The following CACNA2D1 variants were observed in gnomAD, a reference collection of about 807,000 sequenced individuals.
CACNA2D1 encodes the protein voltage-dependent calcium channel subunit alpha-2/delta-1.
Under a neutral mutation model 171.5 loss-of-function variants are expected in CACNA2D1, and 53 were observed. That is an observed-to-expected ratio of 0.31 (90% confidence interval 0.25 to 0.39). The LOEUF (loss-of-function observed/expected upper bound fraction) is 0.39. Ranked by LOEUF, CACNA2D1 falls within the 10% of genes least tolerant of loss-of-function variation. The pLI, the probability that CACNA2D1 is intolerant of heterozygous loss-of-function variation, is 1.00. For synonymous variants in CACNA2D1, 442 were observed against 443.1 expected, an observed-to-expected ratio of 1.00 and a Z score of 0.03; for missense variants, 903 against 1,299.8, an observed-to-expected ratio of 0.69 and a Z score of 4.69.
At chr7:82,289,804 G>A (rs1811295859) in intron 3 of CACNA2D1, among the ~76,000 whole-genome samples, 1 of 152,244 alleles carries the variant, frequency 6.6e-6, no homozygotes, top group Admixed American at 6.5e-5. Context: ...AGTTGGCAGA[G>A]TGCTTGGCAT....
chr7:82,100,444 A>G (rs1407555098), intron 6 of CACNA2D1, among the ~76,000 whole-genome samples: 2 of 152,292 alleles, frequency 1.3e-5, no homozygotes, highest in African/African-American at 4.8e-5. Context: ...GAGCATAAAG[A>G]TGTGTTCATT....
intron 3 of CACNA2D1, among the ~76,000 whole-genome samples, chr7:82,247,678 A>T (rs1000790966): frequency 1.3e-5 from 2 of 152,156 alleles, no homozygotes; most frequent in African/African-American, 4.8e-5. Context: ...TCATTTTTTA[A>T]ATATTTTAAC....
chr7:82,129,516 T>C (rs563415378), intron 5 of CACNA2D1, among the ~76,000 whole-genome samples: 3 of 152,180 alleles, frequency 2.0e-5, no homozygotes, highest in Non-Finnish European at 4.4e-5. Flanking sequence ...ACAATTCACA[T>C]TGTCAAATTT....
intron 15 of CACNA2D1, among the ~76,000 whole-genome samples, chr7:82,009,945 T>A (rs1799569862): frequency 6.6e-6 from 1 of 152,090 alleles, no homozygotes; most frequent in African/African-American, 2.4e-5. Context: ...CTCCACAATA[T>A]TGTCCTAATC....
chr7:82,068,289 T>G (rs1200893976), intron 7 of CACNA2D1, among the ~76,000 whole-genome samples: 1 of 152,046 alleles, frequency 6.6e-6, no homozygotes, highest in Non-Finnish European at 1.5e-5. Flanking sequence ...GAGGAGAGCT[T>G]ACAAGGAAAG....
Position 82,280,651 on chromosome 7 carries a change from T to A in CACNA2D1, c.294+54484A>T, listed in dbSNP as rs115558900. ...TTTATGTAATCTCATCTACCCCTTT[T>A]ACATAGAAACCTTACTTATTAATTA... On this transcript the variant is annotated intron_variant, in intron 3 of 38. Transcript: ENST00000356860. 5.5e-3 allele frequency among the ~76,000 whole-genome samples: 835 copies of A among 152,270 alleles called. 7 individuals carry two copies. The highest frequency in any genetic ancestry group is 0.019 in the African/African-American group (779 of 41,566).
At chr7:82,091,516 ACAGAGGAGGAGCT>A (rs1426682399) in intron 6 of CACNA2D1, among the ~76,000 whole-genome samples, 1 of 152,208 alleles carries the variant, frequency 6.6e-6, no homozygotes, top group Non-Finnish European at 1.5e-5. Context: ...GCTGTGGAGC[ACAGAGGAGGAGCT>A]CAGAAGAAAT....
intron 4 of CACNA2D1, among the ~76,000 whole-genome samples, chr7:82,145,733 T>C (rs1792957819): frequency 1.3e-5 from 2 of 149,590 alleles, no homozygotes; most frequent in African/African-American, 4.9e-5. Context: ...TACACACACA[T>C]ATATACCTAT....
Position 82,008,305 on chromosome 7 carries a change from C to T in CACNA2D1, c.1363-549G>A, listed in dbSNP as rs188646845. Among the ~76,000 whole-genome samples the T allele has an allele frequency of 2.4e-4, 36 of 152,100 alleles. No individual in the cohort carries two copies. The East Asian group carries it at 5.8e-3, about 25-fold the overall frequency. On this transcript the variant is annotated intron_variant, in intron 15 of 38. Coordinates refer to ENST00000356860, the MANE Select transcript of CACNA2D1 (RefSeq NM_000722.4). ...TCTGGGATATTCTAAGTAAATGTTACGCTCTTCAGAAGCAGTACTACTTTT... is the reference window on the plus strand; with the variant it reads ...TCTGGGATATTCTAAGTAAATGTTATGCTCTTCAGAAGCAGTACTACTTTT...
chr7:82,031,254 G>A (rs757870464), intron 12 of CACNA2D1, among the ~76,000 whole-genome samples: 3 of 151,908 alleles, frequency 2.0e-5, no homozygotes, highest in Non-Finnish European at 4.4e-5. Context: ...GCCTACAGTG[G>A]CAAGGAGGTT....
intron 3 of CACNA2D1, among the ~76,000 whole-genome samples, chr7:82,295,640 C>A (rs77582645): frequency 0.13 from 19,218 of 151,748 alleles, 1,576 homozygotes; most frequent in African/African-American, 0.22. Context: ...ACTCAGCCTC[C>A]CAAAGTGTTG....
At chr7:82,083,545 C>G (rs1810063377) in intron 7 of CACNA2D1, among the ~76,000 whole-genome samples, 1 of 151,876 alleles carries the variant, frequency 6.6e-6, no homozygotes, top group African/African-American at 2.4e-5. Flanking sequence ...GAACAATATT[C>G]CATAAAGGGA....
intron 10 of CACNA2D1, among the ~76,000 whole-genome samples, chr7:82,060,211 A>AAT (rs1554381984): frequency 6.4e-5 from 2 of 31,366 alleles, no homozygotes; most frequent in African/African-American, 2.1e-4. Context: ...TTATATATAT[A>AAT]ATATATATAT....
At position 82,432,410 on chromosome 7, in the gene CACNA2D1, G is replaced by A. The variant is rs190262388; in HGVS notation, c.95+10955C>T. Among the ~76,000 whole-genome samples, 14 of 152,392 alleles carry A rather than the reference G, an allele frequency of 9.2e-5. No homozygotes were observed. The East Asian group carries it at 2.1e-3, about 23-fold the overall frequency. On this transcript the variant is annotated intron_variant, in intron 1 of 38. Coordinates refer to ENST00000356860, the MANE Select transcript of CACNA2D1 (RefSeq NM_000722.4). Reference sequence around the variant, plus strand: ...TCATCTTGGAAACTCAGGAACTGCCGTGATGGCAAGTGCCAGTAATTTCCA... The same window carrying A: ...TCATCTTGGAAACTCAGGAACTGCCATGATGGCAAGTGCCAGTAATTTCCA...
At chr7:82,077,474 T>C (rs1021660877) in intron 7 of CACNA2D1, among the ~76,000 whole-genome samples, 1 of 152,010 alleles carries the variant, frequency 6.6e-6, no homozygotes, top group Non-Finnish European at 1.5e-5. Context: ...AATGACAGAG[T>C]AGTGAGATCT....
intron 4 of CACNA2D1, among the ~76,000 whole-genome samples, chr7:82,145,129 A>C (rs1792828969): frequency 1.3e-5 from 2 of 150,916 alleles, no homozygotes; most frequent in Non-Finnish European, 1.5e-5. Flanking sequence ...AGTTAAACTG[A>C]GTCTTCTTAT....
At chr7:82,187,930 T>G (rs190694054) in intron 3 of CACNA2D1, among the ~76,000 whole-genome samples, 2 of 152,254 alleles carry the variant, frequency 1.3e-5, no homozygotes, top group Non-Finnish European at 2.9e-5. Flanking sequence ...GTAAGATATA[T>G]CCAAGAAAGA....
chr7:82,119,302 T>C (rs1584814689), intron 5 of CACNA2D1, among the ~76,000 whole-genome samples: 1 of 152,146 alleles, frequency 6.6e-6, no homozygotes, highest in Admixed American at 6.6e-5. Context: ...TCAAATGCAT[T>C]TGATAAAACG....
chr7:82,284,190 A>G (rs1810480540), intron 3 of CACNA2D1, among the ~76,000 whole-genome samples: 1 of 147,710 alleles, frequency 6.8e-6, no homozygotes, highest in African/African-American at 2.4e-5. Flanking sequence ...GCCTTCTCCA[A>G]AAAAAAAAAG....
Sources: allele counts gnomAD v4.1 joint callset (sites outside exome capture counted in the v4.1 genomes callset), GRCh38; gene constraint gnomAD v4.1.1; transcripts MANE v1.5; gene names NCBI Gene and HGNC (gene_info 2026-07-23, HGNC 2026-07-21).